Variants in IMMP2L observed in about 807,000 individuals in gnomAD.
The protein encoded by IMMP2L is inner mitochondrial membrane peptidase subunit 2.
Under a neutral mutation model 19.3 loss-of-function variants are expected in IMMP2L, and 18 were observed. The ratio of observed to expected loss-of-function variants is 0.93; its 90% confidence interval spans 0.64 to 1.38. The LOEUF is 1.38. IMMP2L is among the 40% of genes most tolerant of loss of function. IMMP2L has a pLI of 0.00. For missense variants in IMMP2L, 233 were observed against 218.2 expected (o/e 1.07, Z -0.43); for synonymous variants, 76 against 73.0 (o/e 1.04, Z -0.21).
chr7:111,426,343 C>T (rs1836072099), intron 3 of IMMP2L, among the ~76,000 whole-genome samples: 1 of 150,222 alleles, frequency 6.7e-6, no homozygotes, highest in South Asian at 2.1e-4. Flanking sequence ...TAAATCACAG[C>T]AACATGTATT....
chr7:111,092,579 T>C (rs1236084597), intron 3 of IMMP2L, among the ~76,000 whole-genome samples: 1 of 152,152 alleles, frequency 6.6e-6, no homozygotes, highest in Non-Finnish European at 1.5e-5. Flanking sequence ...GTACCATAAA[T>C]ATTACTGATA....
chr7:111,016,860 T>C (rs1428518098), intron 3 of IMMP2L, among the ~76,000 whole-genome samples: 1 of 86,228 alleles, frequency 1.2e-5, no homozygotes, highest in Non-Finnish European at 2.0e-5. Context: ...ATATATTATA[T>C]AATATATTAC....
At chr7:111,294,190 G>C in intron 3 of IMMP2L, among the ~76,000 whole-genome samples, 1 of 151,870 alleles carries the variant, frequency 6.6e-6, no homozygotes, top group East Asian at 1.9e-4. Context: ...CATATGGCTA[G>C]TTGGTGGCAA....
intron 3 of IMMP2L, among the ~76,000 whole-genome samples, chr7:111,278,791 T>A (rs1819385079): frequency 6.6e-6 from 1 of 152,232 alleles, no homozygotes; most frequent in Non-Finnish European, 1.5e-5. Flanking sequence ...TCTAGTTTTC[T>A]GTGATCAAAA....
intron 3 of IMMP2L, among the ~76,000 whole-genome samples, chr7:111,474,828 T>C (rs1841581530): frequency 6.6e-6 from 1 of 152,134 alleles, no homozygotes. Flanking sequence ...AAAGATCATC[T>C]AGTAGAATAA....
chr7:110,676,015 T>C (rs1268436141), intron 5 of IMMP2L, among the ~76,000 whole-genome samples: 2 of 152,210 alleles, frequency 1.3e-5, no homozygotes, highest in Non-Finnish European at 2.9e-5. Flanking sequence ...AGTATAGATA[T>C]TACTAATTGC....
At chr7:111,434,465 A>T (rs577175964) in intron 3 of IMMP2L, among the ~76,000 whole-genome samples, 46 of 151,730 alleles carry the variant, frequency 3.0e-4, no homozygotes, top group South Asian at 2.1e-4. Context: ...GAAAAAAAAA[A>T]AATAACCCCA....
intron 3 of IMMP2L, among the ~76,000 whole-genome samples, chr7:111,121,841 A>G (rs1800664206): frequency 6.6e-6 from 1 of 152,172 alleles, no homozygotes; most frequent in Non-Finnish European, 1.5e-5. Context: ...ATGTCCAACA[A>G]TGATAAACTG....
At chr7:110,676,974 T>A (rs1383629510) in intron 5 of IMMP2L, among the ~76,000 whole-genome samples, 1 of 152,152 alleles carries the variant, frequency 6.6e-6, no homozygotes, top group African/African-American at 2.4e-5. Context: ...TACTGTGACG[T>A]CACGCATTCA....
intron 3 of IMMP2L, among the ~76,000 whole-genome samples, chr7:111,321,969 T>C (rs910650191): frequency 1.3e-5 from 2 of 152,100 alleles, no homozygotes; most frequent in Middle Eastern, 3.4e-3. Context: ...AAATGCCATA[T>C]GTTAAAACTC....
rs1003017287 is a variant in IMMP2L, at chr7:110,663,072, T to G, written c.*530A>C. 2.0e-5 allele frequency: 3 copies of G among 153,630 alleles called. No individual in the cohort carries two copies. Among genetic ancestry groups the G allele is most frequent in the Non-Finnish European group, 4.3e-5 (3 of 69,004 alleles). The allele number at this position is 153,630 out of a possible 1,614,324, so 9.5% of individuals were successfully genotyped here. A position where few individuals can be genotyped will look rare whatever the true frequency, so the allele number is the denominator to read the frequency against. ...ACCTTAGCAAATCATTGTTTTATTT[T>G]AACATCACTGTTTACTGTTCTTCCT... On this transcript the variant is annotated 3_prime_UTR_variant, in exon 6 of 6. Transcript: ENST00000405709.
chr7:110,989,061 C>A (rs561497010), intron 3 of IMMP2L, among the ~76,000 whole-genome samples: 5 of 152,038 alleles, frequency 3.3e-5, no homozygotes, highest in Non-Finnish European at 7.4e-5. Context: ...CATGGAGAAA[C>A]CTCATCTCTG....
chr7:111,411,255 G>C (rs1276412048), intron 3 of IMMP2L: 1 of 188,192 alleles, frequency 5.3e-6, no homozygotes, highest in African/African-American at 2.4e-5. Flanking sequence ...AAAACTGTGA[G>C]ACTAAAAATC....
intron 4 of IMMP2L, among the ~76,000 whole-genome samples, chr7:110,944,288 T>C (rs1817014320): frequency 6.6e-6 from 1 of 151,982 alleles, no homozygotes; most frequent in African/African-American, 2.4e-5. Flanking sequence ...TATTATGGAA[T>C]CAGAGAAGAG....
At chr7:111,060,091 T>G (rs1793882830) in intron 3 of IMMP2L, among the ~76,000 whole-genome samples, 1 of 152,172 alleles carries the variant, frequency 6.6e-6, no homozygotes, top group Admixed American at 6.5e-5. Context: ...GATTTATTTT[T>G]GTAAGCAGCA....
chr7:111,019,999 T>C (rs7809411), intron 3 of IMMP2L, among the ~76,000 whole-genome samples: 57,497 of 151,662 alleles, frequency 0.38, 12,917 homozygotes, highest in Non-Finnish European at 0.51. Flanking sequence ...AGATGTCACT[T>C]GTATAGTATA....
intron 3 of IMMP2L, among the ~76,000 whole-genome samples, chr7:111,005,662 T>C (rs1824210912): frequency 6.6e-6 from 1 of 152,350 alleles, no homozygotes; most frequent in South Asian, 2.1e-4. Flanking sequence ...GATTAGTTTC[T>C]ATTCTGGGGA....
chr7:110,708,941 T>A lies in IMMP2L; in HGVS notation c.409-45220A>T, dbSNP rs1207491100. ...ATGGGGTTTTCTAGATAAACAATCATGTTGTCTGCAAACAGGGACAATTTG... is the reference window on the plus strand; with the variant it reads ...ATGGGGTTTTCTAGATAAACAATCAAGTTGTCTGCAAACAGGGACAATTTG... On this transcript the variant is annotated intron_variant, in intron 5 of 5. Coordinates refer to ENST00000405709, the MANE Select transcript of IMMP2L (RefSeq NM_032549.4). Among the ~76,000 whole-genome samples, 4 of 5,680 alleles carry A rather than the reference T, an allele frequency of 7.0e-4. 1 individual carries two copies. The highest frequency in any genetic ancestry group is 1.3e-3 in the African/African-American group (2 of 1,506). 3.7% of individuals were successfully genotyped at this position (5,680 alleles called of 152,430 possible).
chr7:110,720,078 A>G (rs1200502901), intron 5 of IMMP2L, among the ~76,000 whole-genome samples: 5 of 152,186 alleles, frequency 3.3e-5, no homozygotes, highest in East Asian at 3.9e-4. Flanking sequence ...GAAATCTCAT[A>G]ATGTCGGGAA....
Sources: allele counts gnomAD v4.1 joint callset (sites outside exome capture counted in the v4.1 genomes callset), GRCh38; gene constraint gnomAD v4.1.1; transcripts MANE v1.5; gene names NCBI Gene and HGNC (gene_info 2026-07-23, HGNC 2026-07-21).